Variants in HNRNPM observed in about 807,000 individuals in gnomAD.
HNRNPM encodes heterogeneous nuclear ribonucleoprotein M.
HNRNPM carries 11 observed loss-of-function variants against 73.1 expected under a neutral mutation model. The ratio of observed to expected loss-of-function variants is 0.15; its 90% CI spans 0.09 to 0.25. The LOEUF is 0.25. Among genes scored for constraint, HNRNPM ranks in the 10% least tolerant of loss-of-function variants. HNRNPM has a pLI of 1.00. For synonymous variants in HNRNPM, 407 were observed against 355.2 expected, an observed-to-expected ratio of 1.15 and a Z score of -1.64; for missense variants, 789 against 1,067.9, an observed-to-expected ratio of 0.74 and a Z score of 3.64.
chr19:8,471,477 T>C (rs1256688284), intron 10 of HNRNPM, 50 bp downstream of exon 10: 3 of 1,174,046 alleles, frequency 2.6e-6, no homozygotes, highest in Non-Finnish European at 3.7e-6. Flanking sequence ...GTGAAAATTA[T>C]TAATTATTGG....
Position 8,489,011 on chromosome 19 carries a change from TTGAC to T in HNRNPM, c.*160_*163del, listed in dbSNP as rs2145776825. 1.5e-6 allele frequency: 1 copy of T among 673,534 alleles called. No individual in the cohort carries two copies. Among genetic ancestry groups the T allele is most frequent in the East Asian group, 2.8e-5 (1 of 35,884 alleles). 41.7% of individuals were successfully genotyped at this position (673,534 alleles called of 1,614,324 possible). A position where few individuals can be genotyped will look rare whatever the true frequency, so the allele number is the denominator to read the frequency against. ...ACTTTTTTAATGACTGGGGTTCCATTTGACTGTTTGCATTGAGATTGCAATGTGC... is the reference window on the plus strand; with the variant it reads ...ACTTTTTTAATGACTGGGGTTCCATTTGTTTGCATTGAGATTGCAATGTGC... On this transcript the variant is annotated 3_prime_UTR_variant, in exon 16 of 16. Coordinates refer to ENST00000325495, the MANE Select transcript of HNRNPM (RefSeq NM_005968.5).
At chr19:8,459,879 G>A (rs1036093351) in intron 2 of HNRNPM, among the ~76,000 whole-genome samples, 4 of 152,196 alleles carry the variant, frequency 2.6e-5, no homozygotes, top group Non-Finnish European at 5.9e-5. Flanking sequence ...TTAAATAGAG[G>A]TAGATAACAG....
intron 1 of HNRNPM, among the ~76,000 whole-genome samples, chr19:8,446,460 G>C (rs10411971): frequency 6.6e-6 from 1 of 152,118 alleles, no homozygotes; most frequent in Non-Finnish European, 1.5e-5. Context: ...CCCAAGCTGG[G>C]ATGCAGTGGC....
rs571234098 is a variant in HNRNPM, at chr19:8,470,731, G to C, written c.896-595G>C. Among the ~76,000 whole-genome samples the C allele has an allele frequency of 8.3e-4, 126 of 152,320 alleles. 1 individual carries two copies. Among genetic ancestry groups the C allele is most frequent in the African/African-American group, 3.0e-3 (124 of 41,582 alleles). ...CTCTTTTGGCTGTTTCCAGAGACCA[G>C]CCTGTATTTCTGTGTCCCTGTCTGT... On this transcript the variant is annotated intron_variant, in intron 9 of 15. Transcript: ENST00000325495.
chr19:8,485,700 C>T lies in HNRNPM; in HGVS notation c.1272C>T (p.Gly424=). The change falls in exon 14 of 16, where the codon GGC becomes GGT. Residue 424 remains glycine, a synonymous_variant. Coordinates refer to ENST00000325495, the MANE Select transcript of HNRNPM (RefSeq NM_005968.5). ...TGGAGCGCATGGGCGCGGGCCTGGGCCACGGCATGGATCGCGTGGGCTCCG... is the reference window on the plus strand; with the variant it reads ...TGGAGCGCATGGGCGCGGGCCTGGGTCACGGCATGGATCGCGTGGGCTCCG... The part of the protein sequence containing the change: ...AGMERMGAGL[G]HGMDRVGSEI... The T allele has an allele frequency of 1.9e-6, 3 of 1,606,952 alleles. No homozygotes were observed. Among genetic ancestry groups the T allele is most frequent in the Non-Finnish European group, 1.7e-6 (2 of 1,179,454 alleles).
intron 14 of HNRNPM, 107 bp downstream of exon 14, chr19:8,486,512 A>G (rs952019758): frequency 1.5e-5 from 14 of 904,584 alleles, no homozygotes; most frequent in Non-Finnish European, 2.0e-5. Context: ...AGGGGACCAC[A>G]CCTCCTTGCC....
At chr19:8,486,466 G>T in intron 14 of HNRNPM, 61 bp downstream of exon 14, 1 of 1,421,062 alleles carries the variant, frequency 7.0e-7, no homozygotes, top group Non-Finnish European at 9.5e-7. Context: ...GGGAGGCAAA[G>T]ATCAGCAGGA....
intron 10 of HNRNPM, among the ~76,000 whole-genome samples, chr19:8,472,366 C>G (rs529874039): frequency 6.6e-6 from 1 of 152,056 alleles, no homozygotes; most frequent in Non-Finnish European, 1.5e-5. Flanking sequence ...CTCTATCCCA[C>G]CATTGTCAGT....
chr19:8,445,081 C>A lies in HNRNPM; in HGVS notation c.83C>A (p.Pro28Gln). ...MEEESGAPGV[P>Q]SGNGAPGPKG... ...GAAGAGAGCGGCGCGCCCGGCGTGCCGAGCGGCAACGGGGCTCCGGGCCCT... is the reference window on the plus strand; with the variant it reads ...GAAGAGAGCGGCGCGCCCGGCGTGCAGAGCGGCAACGGGGCTCCGGGCCCT... The change falls in exon 1 of 16, where the codon CCG becomes CAG. Residue 28 changes from proline to glutamine, a missense_variant. By Grantham distance (76) the Pro-to-Gln change is moderately conservative. Coordinates refer to ENST00000325495, the MANE Select transcript of HNRNPM (RefSeq NM_005968.5). 7.0e-7 allele frequency: 1 copy of A among 1,421,830 alleles called. No individual in the cohort carries two copies. The highest frequency in any genetic ancestry group is 9.2e-7 in the Non-Finnish European group (1 of 1,087,426). 88.1% of individuals were successfully genotyped at this position (1,421,830 alleles called of 1,614,324 possible). A position where few individuals can be genotyped will look rare whatever the true frequency, so the allele number is the denominator to read the frequency against.
At chr19:8,471,234 G>T in intron 9 of HNRNPM, 92 bp from the exon 10 acceptor site, 1 of 681,724 alleles carries the variant, frequency 1.5e-6, no homozygotes, top group East Asian at 3.0e-5. Context: ...AGGCTGAAGT[G>T]GATAGCTGCA....
chr19:8,454,680 C>CG (rs1968872269), intron 1 of HNRNPM, among the ~76,000 whole-genome samples: 1 of 123,612 alleles, frequency 8.1e-6, no homozygotes, highest in South Asian at 3.2e-4. Flanking sequence ...TATGCCCCCC[C>CG]CCCCTTTTTT....
Position 8,486,054 on chromosome 19 carries a change from G to GCGCATGGGCCCCGTGATGGAT in HNRNPM, c.1634_1654dup (p.Gly545_Met551dup). The GCGCATGGGCCCCGTGATGGAT allele has an allele frequency of 1.2e-6, 2 of 1,606,600 alleles. No homozygotes were observed. Among genetic ancestry groups the GCGCATGGGCCCCGTGATGGAT allele is most frequent in the East Asian group, 4.5e-5 (2 of 44,826 alleles). ...CCGCAGGTATGGGAGCTGGCCTGGA[G>GCGCATGGGCCCCGTGATGGAT]CGCATGGGCCCCGTGATGGATCGCA... On this transcript the variant is annotated inframe_insertion, in exon 14 of 16. Transcript: ENST00000325495.
intron 1 of HNRNPM, 52 bp from the exon 2 acceptor site, chr19:8,455,353 A>G: frequency 2.8e-6 from 4 of 1,428,852 alleles, no homozygotes; most frequent in South Asian, 1.2e-5. Flanking sequence ...TATCTTTCAC[A>G]TTGTGCTGAC....
In HNRNPM at chr19:8,455,395, T is replaced by C; in HGVS notation, c.114-10T>C. The C allele has an allele frequency of 1.2e-6, 2 of 1,607,600 alleles. No individual in the cohort carries two copies. Among genetic ancestry groups the C allele is most frequent in the African/African-American group, 2.7e-5 (2 of 74,410 alleles). Reference sequence around the variant, plus strand: ...ACCCTTTACCTTTTTTTCCTCTCTCTCGAATTCAGTGAAGGAGAACGACCT... The same window carrying C: ...ACCCTTTACCTTTTTTTCCTCTCTCCCGAATTCAGTGAAGGAGAACGACCT... On this transcript the variant is annotated splice_polypyrimidine_tract_variant and intron_variant, in intron 1 of 15. Coordinates refer to ENST00000325495, the MANE Select transcript of HNRNPM (RefSeq NM_005968.5).
intron 2 of HNRNPM, among the ~76,000 whole-genome samples, chr19:8,461,752 AAGCGGC>A (rs34807641): frequency 0.26 from 39,969 of 151,860 alleles, 6,336 homozygotes; most frequent in Non-Finnish European, 0.36. Context: ...GAGGTTTAGA[AAGCGGC>A]AAGAATGAAG....
chr19:8,453,622 C>G (rs948769038), intron 1 of HNRNPM, among the ~76,000 whole-genome samples: 3 of 151,944 alleles, frequency 2.0e-5, no homozygotes, highest in Admixed American at 6.6e-5. Context: ...ATTACAAATT[C>G]TGTAGTAGAG....
Position 8,446,608 on chromosome 19 carries a change from G to T in HNRNPM, c.113+1497G>T, listed in dbSNP as rs1336681911. On this transcript the variant is annotated intron_variant, in intron 1 of 15. Transcript: ENST00000325495. ...TGAAGAGAGGAGGTCTCCGGGTGTTGCCCAGGCTGGTCTGAAACTCCTGGG... is the reference window on the plus strand; with the variant it reads ...TGAAGAGAGGAGGTCTCCGGGTGTTTCCCAGGCTGGTCTGAAACTCCTGGG... 3.3e-5 allele frequency among the ~76,000 whole-genome samples: 5 copies of T among 152,086 alleles called. No homozygotes were observed. The South Asian group carries it at 8.3e-4, about 25-fold the overall frequency.
At chr19:8,450,320 C>T (rs956358653) in intron 1 of HNRNPM, among the ~76,000 whole-genome samples, 3 of 152,168 alleles carry the variant, frequency 2.0e-5, no homozygotes, top group African/African-American at 2.4e-5. Context: ...GTGAGTGTTA[C>T]GCATGGGAAC....
At position 8,463,519 on chromosome 19, in the gene HNRNPM, G is replaced by T. The variant is rs192975920; in HGVS notation, c.344+15G>T. ...AAGGGATGTGCGTAAGTATCGTCTA[G>T]TTACTTATTGGTATTTGAGCCTTCT... is the stretch of plus-strand genomic sequence containing the variant. On this transcript the variant is annotated intron_variant, in intron 4 of 15. Coordinates refer to ENST00000325495, the MANE Select transcript of HNRNPM (RefSeq NM_005968.5). 5.0e-6 allele frequency: 8 copies of T among 1,613,940 alleles called. No individual in the cohort carries two copies. The Admixed American group carries it at 1.3e-4, about 27-fold the overall frequency.
Sources: gnomAD v4.1 joint callset for allele counts (sites outside exome capture counted in the v4.1 genomes callset) on GRCh38, gnomAD v4.1.1 for gene constraint, MANE v1.5 for transcripts, NCBI Gene and HGNC (gene_info 2026-07-23, HGNC 2026-07-21) for gene names.